The following DLGAP1 variants were observed in gnomAD, a reference collection of about 807,000 sequenced individuals.
DLGAP1 encodes disks large-associated protein 1.
In DLGAP1, 11 loss-of-function variants were observed where a neutral mutation model predicts 90.8. The observed-to-expected ratio is 0.12, with a 90% CI of 0.08 to 0.20. The LOEUF (loss-of-function observed/expected upper bound fraction) is 0.20. Among genes scored for constraint, DLGAP1 ranks in the 10% least tolerant of loss-of-function variants. The pLI, the probability that DLGAP1 is intolerant of heterozygous loss-of-function variation, is 1.00. For missense variants in DLGAP1, 1,050 were observed against 1,333.8 expected (o/e 0.79, Z 3.31); for synonymous variants, 558 against 540.7 (o/e 1.03, Z -0.44).
At chr18:3,915,848 C>T (rs1168120306) in intron 3 of DLGAP1, among the ~76,000 whole-genome samples, 1 of 151,820 alleles carries the variant, frequency 6.6e-6, no homozygotes, top group Non-Finnish European at 1.5e-5. Context: ...AGACATCTTA[C>T]TGCTTTTAGG....
intron 7 of DLGAP1, among the ~76,000 whole-genome samples, chr18:3,666,645 T>G (rs2059894402): frequency 6.6e-6 from 1 of 152,254 alleles, no homozygotes; most frequent in Admixed American, 6.5e-5. Flanking sequence ...ACTTTGAAAT[T>G]AAAACTCCTT....
chr18:4,045,696 T>G (rs746577949), intron 2 of DLGAP1, among the ~76,000 whole-genome samples: 2 of 151,092 alleles, frequency 1.3e-5, no homozygotes, highest in African/African-American at 2.4e-5. Context: ...TAGAGTAATA[T>G]AATGTTAATT....
At chr18:4,215,857 G>C (rs1435069521) in intron 1 of DLGAP1, among the ~76,000 whole-genome samples, 3 of 152,094 alleles carry the variant, frequency 2.0e-5, no homozygotes, top group African/African-American at 7.2e-5. Flanking sequence ...AAAAGTGGGA[G>C]CAGGAACACA....
intron 7 of DLGAP1, among the ~76,000 whole-genome samples, chr18:3,661,346 G>A (rs2059673350): frequency 1.3e-5 from 2 of 152,318 alleles, no homozygotes; most frequent in South Asian, 4.1e-4. Flanking sequence ...GGTAAGCTCT[G>A]TGGCTGCTTT....
chr18:3,898,037 G>A (rs183272446), intron 3 of DLGAP1, among the ~76,000 whole-genome samples: 11,811 of 147,814 alleles, frequency 0.08, 573 homozygotes, highest in Non-Finnish European at 0.12. Flanking sequence ...CTCGTGATCC[G>A]CCCGCCTTGG....
At chr18:3,585,011 T>TC (rs2055791635) in intron 7 of DLGAP1, among the ~76,000 whole-genome samples, 1 of 152,132 alleles carries the variant, frequency 6.6e-6, no homozygotes, top group African/African-American at 2.4e-5. Context: ...TCTTGGCCTC[T>TC]CAAAGTGCTG....
At chr18:4,078,626 T>C (rs911796180) in intron 2 of DLGAP1, among the ~76,000 whole-genome samples, 2 of 152,204 alleles carry the variant, frequency 1.3e-5, no homozygotes, top group Non-Finnish European at 2.9e-5. Flanking sequence ...CATAAACTCA[T>C]ATATCAGTGT....
chr18:4,003,460 T>G (rs9964976), intron 3 of DLGAP1, among the ~76,000 whole-genome samples: 8,483 of 131,990 alleles, frequency 0.064, 724 homozygotes, highest in African/African-American at 0.2. Flanking sequence ...TTTTTGGAAG[T>G]TAACAGATTT....
intron 1 of DLGAP1, among the ~76,000 whole-genome samples, chr18:4,439,291 T>C (rs280995): frequency 0.3 from 46,354 of 152,136 alleles, 7,341 homozygotes; most frequent in Non-Finnish European, 0.32. Flanking sequence ...AACTCAGACT[T>C]CAAACCAAAC....
At chr18:3,673,617 G>A (rs1427887504) in intron 7 of DLGAP1, among the ~76,000 whole-genome samples, 1 of 152,084 alleles carries the variant, frequency 6.6e-6, no homozygotes, top group Non-Finnish European at 1.5e-5. Flanking sequence ...CATGAACTCG[G>A]CTCACTGCAA....
At chr18:4,070,193 C>T (rs112694087) in intron 2 of DLGAP1, among the ~76,000 whole-genome samples, 4,418 of 152,080 alleles carry the variant, frequency 0.029, 206 homozygotes, top group African/African-American at 0.1. Context: ...ATGTTGGCTA[C>T]GTTGGTCCTG....
chr18:3,878,356 G>A (rs1181361160), intron 4 of DLGAP1: 1 of 152,154 alleles, frequency 6.6e-6, no homozygotes, highest in Admixed American at 6.5e-5. Flanking sequence ...CAGTGAACTG[G>A]AGGAAAACAC....
intron 7 of DLGAP1, among the ~76,000 whole-genome samples, chr18:3,640,837 T>G (rs755906072): frequency 2.0e-5 from 3 of 152,238 alleles, no homozygotes; most frequent in Admixed American, 6.5e-5. Context: ...ATTTATTGAG[T>G]GCACACAATG....
At chr18:4,322,478 C>A (rs935014193) in intron 1 of DLGAP1, among the ~76,000 whole-genome samples, 4 of 152,040 alleles carry the variant, frequency 2.6e-5, no homozygotes, top group African/African-American at 9.7e-5. Context: ...TATCACAAAC[C>A]ATATATAAAA....
At chr18:4,176,684 C>A (rs1394888572) in intron 1 of DLGAP1, among the ~76,000 whole-genome samples, 1 of 152,188 alleles carries the variant, frequency 6.6e-6, no homozygotes, top group African/African-American at 2.4e-5. Flanking sequence ...TAGCACTGGT[C>A]AAGCTCTTGG....
At chr18:4,358,863 A>G (rs1349920463) in intron 1 of DLGAP1, among the ~76,000 whole-genome samples, 2 of 152,228 alleles carry the variant, frequency 1.3e-5, no homozygotes, top group Admixed American at 1.3e-4. Flanking sequence ...AGCAGCAGGA[A>G]GCCCAGGCTG....
At chr18:4,182,154 C>T (rs1187514700) in intron 1 of DLGAP1, among the ~76,000 whole-genome samples, 1 of 152,084 alleles carries the variant, frequency 6.6e-6, no homozygotes, top group Non-Finnish European at 1.5e-5. Flanking sequence ...TTTTTTCTGA[C>T]AGCAGGTATG....
intron 3 of DLGAP1, among the ~76,000 whole-genome samples, chr18:3,922,912 C>T (rs1249326750): frequency 6.6e-6 from 1 of 152,032 alleles, no homozygotes; most frequent in African/African-American, 2.4e-5. Context: ...CGGGGAGGAT[C>T]TCTTGAGGTC....
intron 1 of DLGAP1, among the ~76,000 whole-genome samples, chr18:4,435,606 C>T (rs1002882938): frequency 6.6e-6 from 1 of 152,124 alleles, no homozygotes; most frequent in East Asian, 1.9e-4. Context: ...TGTAAAATCA[C>T]CATGATTTAG....
Sources: gnomAD v4.1 joint callset for allele counts (sites outside exome capture counted in the v4.1 genomes callset) on GRCh38, gnomAD v4.1.1 for gene constraint, MANE v1.5 for transcripts, NCBI Gene and HGNC (gene_info 2026-07-23, HGNC 2026-07-21) for gene names.